FGF13: variants seen among roughly 807,000 people sequenced by gnomAD.
FGF13 encodes the protein fibroblast growth factor 13.
A neutral mutation model predicts 19.5 loss-of-function variants in FGF13; 2 were observed. The ratio of observed to expected loss-of-function variants is 0.10; its 90% CI spans 0.04 to 0.32. The LOEUF (loss-of-function observed/expected upper bound fraction) is 0.32, where lower values mean the gene tolerates loss of function less well. Ranked by LOEUF, FGF13 falls within the 10% of genes least tolerant of loss-of-function variation. FGF13 has a pLI of 1.00. For synonymous variants in FGF13, 72 were observed against 76.9 expected, an observed-to-expected ratio of 0.94 and a Z score of 0.33; for missense variants, 113 against 192.7, an observed-to-expected ratio of 0.59 and a Z score of 2.45.
chrX:138,867,260 G>A (rs1253633620), intron 1 of FGF13, among the ~76,000 whole-genome samples: 1 of 110,747 alleles, frequency 9.0e-6, no homozygotes, highest in Non-Finnish European at 1.9e-5. Flanking sequence ...AAATTTTAAT[G>A]TAAAAAATAT....
At chrX:138,721,165 TCTC>T (rs2090145163) in intron 1 of FGF13, among the ~76,000 whole-genome samples, 1 of 111,655 alleles carries the variant, frequency 9.0e-6, no homozygotes, top group Non-Finnish European at 1.9e-5. Context: ...AGTCAGCCAT[TCTC>T]CTGATATAAC....
At chrX:138,896,338 T>C (rs1435812821) in intron 1 of FGF13, among the ~76,000 whole-genome samples, 1 of 111,276 alleles carries the variant, frequency 9.0e-6, no homozygotes, top group African/African-American at 3.3e-5. Flanking sequence ...AAAATATACT[T>C]GAGATAAATA....
intron 1 of FGF13, among the ~76,000 whole-genome samples, chrX:139,054,180 T>C (rs2092312666): frequency 1.1e-5 from 1 of 90,097 alleles, no homozygotes; most frequent in Non-Finnish European, 2.1e-5. Context: ...TTGAGTGCAG[T>C]GGCGCGATCT....
intron 1 of FGF13, among the ~76,000 whole-genome samples, chrX:139,079,175 T>A (rs377438317): frequency 3.7e-3 from 416 of 111,379 alleles, no homozygotes; most frequent in Non-Finnish European, 6.1e-3. Flanking sequence ...TCTAGATGGA[T>A]ATAGGAGATG....
chrX:138,927,538 C>G (rs1397276652), intron 1 of FGF13, among the ~76,000 whole-genome samples: 1 of 112,487 alleles, frequency 8.9e-6, no homozygotes, highest in Admixed American at 9.4e-5. Flanking sequence ...CACCTCTCTA[C>G]TGCATCCTCC....
intron 1 of FGF13, among the ~76,000 whole-genome samples, chrX:139,056,796 ATAG>A (rs753253905): frequency 8.9e-6 from 1 of 112,301 alleles, no homozygotes; most frequent in African/African-American, 3.2e-5. Flanking sequence ...GGCTTAAATG[ATAG>A]TAGTTTTCAG....
At chrX:138,826,456 C>A (rs2091034805) in intron 3 of FGF13, among the ~76,000 whole-genome samples, 1 of 111,944 alleles carries the variant, frequency 8.9e-6, no homozygotes, top group Admixed American at 9.5e-5. Context: ...TGATATCTTT[C>A]CACAGAATAT....
intron 1 of FGF13, among the ~76,000 whole-genome samples, chrX:139,190,558 G>C (rs965333391): frequency 3.6e-5 from 4 of 111,374 alleles, no homozygotes; most frequent in Non-Finnish European, 7.5e-5. Context: ...CTCTCTGTGG[G>C]CCTAATTCTT....
intron 1 of FGF13, among the ~76,000 whole-genome samples, chrX:138,938,920 G>C (rs745511373): frequency 2.7e-5 from 3 of 111,298 alleles, no homozygotes; most frequent in Non-Finnish European, 5.6e-5. Flanking sequence ...TCTTGTGCGG[G>C]ACTGGGGTGC....
At chrX:139,021,010 G>A (rs1181700943) in intron 1 of FGF13, among the ~76,000 whole-genome samples, 1 of 111,013 alleles carries the variant, frequency 9.0e-6, no homozygotes, top group African/African-American at 3.3e-5. Context: ...ATTATGACCG[G>A]GTGATGAAAT....
At chrX:138,913,028 A>G (rs2091596445) in intron 1 of FGF13, among the ~76,000 whole-genome samples, 1 of 110,745 alleles carries the variant, frequency 9.0e-6, no homozygotes, top group African/African-American at 3.3e-5. Context: ...AAGACAGCTC[A>G]TTTAAACCCA....
intron 1 of FGF13, among the ~76,000 whole-genome samples, chrX:138,941,409 C>A (rs1247058131): frequency 2.7e-5 from 3 of 111,698 alleles, no homozygotes; most frequent in Non-Finnish European, 5.6e-5. Context: ...CATTCCTATA[C>A]ACCAACGATG....
chrX:139,130,114 C>T (rs1278350776), intron 1 of FGF13, among the ~76,000 whole-genome samples: 1 of 112,127 alleles, frequency 8.9e-6, no homozygotes, highest in Non-Finnish European at 1.9e-5. Context: ...TTTAGTATTT[C>T]TGCCTCCTTA....
intron 3 of FGF13, among the ~76,000 whole-genome samples, chrX:138,746,312 C>T (rs1432177320): frequency 9.1e-6 from 1 of 110,424 alleles, no homozygotes; most frequent in Non-Finnish European, 1.9e-5. Context: ...AGGGAGCTCT[C>T]TTAAGAGACA....
intron 3 of FGF13, among the ~76,000 whole-genome samples, chrX:138,650,114 C>CACTTTAGGA (rs1412795836): frequency 1.2e-3 from 136 of 111,725 alleles, no homozygotes; most frequent in Admixed American, 3.1e-3. Context: ...ATGAAGTATC[C>CACTTTAGGA]TAAAGTGTAT....
chrX:138,755,394 G>C lies in FGF13; in HGVS notation c.218-46466C>G, dbSNP rs1196376669. On this transcript the variant is annotated intron_variant, in intron 3 of 6. Coordinates refer to the FGF13 transcript ENST00000436198. ...GAGGAATGGTTATAAACTCAATATT[G>C]GTTTTGATTTTTACACTTCAAGGTC... is the stretch of plus-strand genomic sequence containing the variant. Among the ~76,000 whole-genome samples, 51 of 111,899 alleles carry C rather than the reference G, an allele frequency of 4.6e-4. 2 individuals carry two copies. The highest frequency in any genetic ancestry group is 5.6e-5 in the Non-Finnish European group (3 of 53,131).
chrX:138,889,825 G>A (rs374952390), intron 1 of FGF13, among the ~76,000 whole-genome samples: 5 of 111,716 alleles, frequency 4.5e-5, no homozygotes, highest in East Asian at 5.6e-4. Context: ...GCCAGAAATC[G>A]GGCTTTCGGA....
At chrX:138,723,735 G>A (rs2090165447) in intron 1 of FGF13, among the ~76,000 whole-genome samples, 1 of 112,142 alleles carries the variant, frequency 8.9e-6, no homozygotes, top group Non-Finnish European at 1.9e-5. Flanking sequence ...ATTCACTGCT[G>A]TGAAGCAGAA....
chrX:139,162,432 A>C (rs73570088), intron 1 of FGF13, among the ~76,000 whole-genome samples: 12,893 of 112,063 alleles, frequency 0.12, 1,195 homozygotes, highest in African/African-American at 0.32. Flanking sequence ...TAAAACCATG[A>C]ACACCCTAGA....
Sources: allele counts gnomAD v4.1 joint callset (sites outside exome capture counted in the v4.1 genomes callset), GRCh38; gene constraint gnomAD v4.1.1; transcripts MANE v1.5; gene names NCBI Gene and HGNC (gene_info 2026-07-23, HGNC 2026-07-21).